Variants in GLIS3 observed in about 807,000 individuals in gnomAD.
The protein encoded by GLIS3 is GLIS family zinc finger 3, also known as zinc finger protein GLIS3.
A neutral mutation model predicts 78.6 loss-of-function variants in GLIS3; 53 were observed. The observed-to-expected ratio is 0.67, with a 90% CI of 0.54 to 0.85. The LOEUF is 0.85. Among genes scored for constraint, GLIS3 ranks in the 40% least tolerant of loss-of-function variants. GLIS3 has a pLI of 0.00. For missense variants in GLIS3, 1,703 were observed against 1,231.1 expected, an observed-to-expected ratio of 1.38 and a Z score of -5.74; for synonymous variants, 684 against 509.9, an observed-to-expected ratio of 1.34 and a Z score of -4.60.
intron 4 of GLIS3, among the ~76,000 whole-genome samples, chr9:3,942,607 G>A (rs1009915070): frequency 7.9e-5 from 12 of 152,222 alleles, no homozygotes; most frequent in African/African-American, 2.2e-4. Context: ...GGAGAGGTGA[G>A]AAATTTGATG....
the GLIS3 span, among the ~76,000 whole-genome samples, chr9:4,360,948 C>T: frequency 6.6e-6 from 1 of 152,192 alleles, no homozygotes; most frequent in Admixed American, 6.5e-5. Flanking sequence ...AATAGCCAGC[C>T]TCCAAATAGC....
At chr9:4,457,390 T>G in the GLIS3 span, among the ~76,000 whole-genome samples, 6 of 151,202 alleles carry the variant, frequency 4.0e-5, no homozygotes, top group Admixed American at 3.9e-4. Flanking sequence ...ATATCTGCAT[T>G]TATAAGGGAA....
chr9:3,914,937 C>T (rs1239389656), intron 6 of GLIS3, among the ~76,000 whole-genome samples: 1 of 152,046 alleles, frequency 6.6e-6, no homozygotes, highest in Non-Finnish European at 1.5e-5. Flanking sequence ...GTGTTATTTT[C>T]GTCAATGCAC....
At chr9:3,914,808 A>C (rs575991979) in intron 6 of GLIS3, among the ~76,000 whole-genome samples, 1 of 152,310 alleles carries the variant, frequency 6.6e-6, no homozygotes, top group Non-Finnish European at 1.5e-5. Flanking sequence ...CCACGGATTG[A>C]GTAAGTGACC....
At chr9:4,066,787 T>C (rs1264232174) in intron 4 of GLIS3, among the ~76,000 whole-genome samples, 1 of 152,238 alleles carries the variant, frequency 6.6e-6, no homozygotes, top group Non-Finnish European at 1.5e-5. Context: ...CTCATCCTTG[T>C]TCTAGCGTGC....
the GLIS3 span, among the ~76,000 whole-genome samples, chr9:4,449,194 A>T: frequency 6.6e-6 from 1 of 152,218 alleles, no homozygotes. Context: ...GCGGATCCCA[A>T]GCCCACAGAA....
the GLIS3 span, among the ~76,000 whole-genome samples, chr9:4,359,437 G>A: frequency 5.3e-5 from 8 of 152,124 alleles, no homozygotes; most frequent in South Asian, 6.2e-4. Flanking sequence ...TATTTCTACT[G>A]TAATGAGACT....
At chr9:4,337,639 C>T (rs1463628684) in intron 2 of GLIS3, among the ~76,000 whole-genome samples, 2 of 152,098 alleles carry the variant, frequency 1.3e-5, no homozygotes, top group Non-Finnish European at 2.9e-5. Context: ...TCAAGCATCA[C>T]TGAAGTAAAA....
At chr9:4,221,120 C>G (rs1053492326) in intron 2 of GLIS3, among the ~76,000 whole-genome samples, 1 of 152,040 alleles carries the variant, frequency 6.6e-6, no homozygotes, top group Non-Finnish European at 1.5e-5. Flanking sequence ...GGTTGTAAGA[C>G]AAAATGCCTA....
chr9:4,130,678 G>C (rs1451742026), intron 2 of GLIS3, among the ~76,000 whole-genome samples: 2 of 152,250 alleles, frequency 1.3e-5, no homozygotes, highest in African/African-American at 2.4e-5. Context: ...GCATGGAAAA[G>C]CCTGGATGTC....
At chr9:4,416,279 A>AAAG in the GLIS3 span, among the ~76,000 whole-genome samples, 1 of 148,374 alleles carries the variant, frequency 6.7e-6, no homozygotes, top group African/African-American at 2.5e-5. Flanking sequence ...AAAAAAAAAA[A>AAAG]GCATGCAAAT....
At chr9:4,401,027 A>AG in the GLIS3 span, among the ~76,000 whole-genome samples, 15 of 152,172 alleles carry the variant, frequency 9.9e-5, no homozygotes, top group Admixed American at 9.2e-4. Flanking sequence ...GTTTGAGAAA[A>AG]GCAGAGGGAA....
intron 4 of GLIS3, among the ~76,000 whole-genome samples, chr9:4,065,103 C>G (rs1255300659): frequency 6.6e-6 from 1 of 152,192 alleles, no homozygotes; most frequent in Non-Finnish European, 1.5e-5. Flanking sequence ...ATAGAGCTGG[C>G]TATTTTTTCT....
At chr9:4,419,566 G>C in the GLIS3 span, among the ~76,000 whole-genome samples, 1 of 152,092 alleles carries the variant, frequency 6.6e-6, no homozygotes, top group African/African-American at 2.4e-5. Context: ...GAGGCGGGTG[G>C]ATCACTTGAG....
chr9:4,305,773 T>C (rs1817213416), intron 4 of GLIS3: 1 of 151,862 alleles, frequency 6.6e-6, no homozygotes. Flanking sequence ...AAAAAAAAAG[T>C]GAAACTGTCT....
intron 4 of GLIS3, among the ~76,000 whole-genome samples, chr9:4,018,383 G>T (rs913166920): frequency 1.3e-5 from 2 of 152,206 alleles, no homozygotes; most frequent in African/African-American, 4.8e-5. Context: ...AGCTGAAAGA[G>T]AAGTCACTAA....
intron 8 of GLIS3, among the ~76,000 whole-genome samples, chr9:3,870,830 C>G (rs1759372006): frequency 6.6e-6 from 1 of 152,216 alleles, no homozygotes; most frequent in Non-Finnish European, 1.5e-5. Context: ...ATCTCATGTC[C>G]TCACATTTCA....
intron 2 of GLIS3, among the ~76,000 whole-genome samples, chr9:4,200,493 G>A (rs564407857): frequency 6.6e-6 from 1 of 152,134 alleles, no homozygotes; most frequent in Admixed American, 6.5e-5. Context: ...CAATCCCAAA[G>A]AAACACAAAG....
At chr9:4,186,127 T>C (rs1251356535) in intron 2 of GLIS3, among the ~76,000 whole-genome samples, 1 of 150,784 alleles carries the variant, frequency 6.6e-6, no homozygotes, top group East Asian at 2.0e-4. Context: ...ATTAGGTATA[T>C]CTCCTAATGC....
Sources: gnomAD v4.1 joint callset for allele counts (sites outside exome capture counted in the v4.1 genomes callset) on GRCh38, gnomAD v4.1.1 for gene constraint, MANE v1.5 for transcripts, NCBI Gene and HGNC (gene_info 2026-07-23, HGNC 2026-07-21) for gene names.